The following CCDC170 variants were observed in gnomAD, a reference collection of about 807,000 sequenced individuals.
CCDC170 encodes the protein coiled-coil domain-containing protein 170.
CCDC170 carries 69 observed loss-of-function variants against 72.6 expected under a neutral mutation model. The observed-to-expected ratio is 0.95, with a 90% CI of 0.78 to 1.16. The LOEUF (loss-of-function observed/expected upper bound fraction) is 1.16. Ranked by LOEUF, CCDC170 falls within the 50% of genes most tolerant of loss-of-function variation. CCDC170 has a pLI of 0.00. For missense variants in CCDC170, 852 were observed against 832.5 expected (o/e 1.02, Z -0.29); for synonymous variants, 300 against 303.9 (o/e 0.99, Z 0.13).
At chr6:151,572,654 T>TTTTTTTTTG (rs1554223894) in intron 5 of CCDC170, among the ~76,000 whole-genome samples, 1,112 of 29,594 alleles carry the variant, frequency 0.038, 104 homozygotes, top group African/African-American at 0.096. Context: ...TCTGTGTTTT[T>TTTTTTTTTG]TTTTTTTTTT....
At chr6:151,600,874 C>T (rs1014894820) in intron 9 of CCDC170, among the ~76,000 whole-genome samples, 1 of 152,126 alleles carries the variant, frequency 6.6e-6, no homozygotes, top group Non-Finnish European at 1.5e-5. Flanking sequence ...CCCCAAAATC[C>T]CACACCCATC....
intron 5 of CCDC170, among the ~76,000 whole-genome samples, chr6:151,572,935 A>G (rs1392572700): frequency 1.3e-5 from 2 of 151,972 alleles, no homozygotes; most frequent in Non-Finnish European, 2.9e-5. Context: ...TACAGGTGTG[A>G]GCCACCACGC....
At chr6:151,594,066 A>G (rs2115116311) in intron 8 of CCDC170, among the ~76,000 whole-genome samples, 1 of 152,364 alleles carries the variant, frequency 6.6e-6, no homozygotes, top group Admixed American at 6.5e-5. Context: ...AGAGTTAGAA[A>G]CAGTTTATAC....
At chr6:151,612,210 A>G (rs1270102294) in intron 9 of CCDC170, among the ~76,000 whole-genome samples, 1 of 152,180 alleles carries the variant, frequency 6.6e-6, no homozygotes, top group Non-Finnish European at 1.5e-5. Flanking sequence ...GGATAGTGAG[A>G]GCCTTCAGAG....
chr6:151,593,106 G>C lies in CCDC170; in HGVS notation c.1294-1G>C, dbSNP rs1254980599. The C allele has an allele frequency of 6.2e-7, 1 of 1,614,098 alleles. No individual in the cohort carries two copies. Among genetic ancestry groups the C allele is most frequent in the Non-Finnish European group, 8.5e-7 (1 of 1,179,996 alleles). On this transcript the variant is annotated splice_acceptor_variant, in intron 7 of 10. Coordinates refer to ENST00000239374, the MANE Select transcript of CCDC170 (RefSeq NM_025059.4). LOFTEE classifies it high-confidence loss of function. ...ATTTTTGTTTCTGTTCTTGGGTTTA[G>C]TATCTTAAATTTCTGGATCAGCTTT...
At chr6:151,525,786 G>T (rs1466789687) in intron 1 of CCDC170, among the ~76,000 whole-genome samples, 3 of 152,212 alleles carry the variant, frequency 2.0e-5, no homozygotes, top group Non-Finnish European at 4.4e-5. Context: ...ACTAATTCAT[G>T]TATTGATGGA....
At chr6:151,573,850 C>T (rs1266760553) in intron 6 of CCDC170, among the ~76,000 whole-genome samples, 1 of 152,220 alleles carries the variant, frequency 6.6e-6, no homozygotes, top group Non-Finnish European at 1.5e-5. Flanking sequence ...CCACCAGGTC[C>T]CTCCCACGAC....
intron 6 of CCDC170, among the ~76,000 whole-genome samples, chr6:151,574,075 A>T (rs1276798939): frequency 3.9e-5 from 6 of 152,194 alleles, no homozygotes; most frequent in Non-Finnish European, 7.3e-5. Context: ...CCCTCTCTCT[A>T]CTGAAAATAA....
chr6:151,592,755 G>A (rs1258161297), intron 7 of CCDC170, among the ~76,000 whole-genome samples: 1 of 152,170 alleles, frequency 6.6e-6, no homozygotes, highest in Non-Finnish European at 1.5e-5. Flanking sequence ...GGCTAGATTA[G>A]CCTGAGAGGG....
Position 151,525,570 on chromosome 6 carries a change from T to C in CCDC170, c.58-10748T>C, listed in dbSNP as rs560236556. 1.1e-4 allele frequency among the ~76,000 whole-genome samples: 17 copies of C among 152,336 alleles called. No individual in the cohort carries two copies. The East Asian group carries it at 3.3e-3, about 29-fold the overall frequency. ...TCTCCCCACCCTTGAGAATGTACTT[T>C]GTAAGATCCACCCCCTGACCACAAA... On this transcript the variant is annotated intron_variant, in intron 1 of 10. Transcript: ENST00000239374.
intron 1 of CCDC170, among the ~76,000 whole-genome samples, chr6:151,498,235 T>A (rs904910865): frequency 1.6e-4 from 24 of 152,068 alleles, no homozygotes; most frequent in African/African-American, 5.3e-4. Context: ...TTAGAATAAC[T>A]ATCAACAGAA....
chr6:151,603,994 G>C (rs543817370), intron 9 of CCDC170, among the ~76,000 whole-genome samples: 59 of 152,322 alleles, frequency 3.9e-4, no homozygotes, highest in African/African-American at 1.4e-3. Context: ...AGAGCCATCA[G>C]CTATCAGCCT....
At chr6:151,584,284 A>T (rs1776419498) in intron 6 of CCDC170, among the ~76,000 whole-genome samples, 1 of 152,220 alleles carries the variant, frequency 6.6e-6, no homozygotes, top group African/African-American at 2.4e-5. Context: ...AGCTGTAATC[A>T]TTGTAAAGTT....
intron 1 of CCDC170, among the ~76,000 whole-genome samples, chr6:151,533,765 C>T (rs1782531450): frequency 6.6e-6 from 1 of 151,700 alleles, no homozygotes; most frequent in Non-Finnish European, 1.5e-5. Flanking sequence ...TTTTTGCCTT[C>T]CTTGCATTTA....
chr6:151,586,780 A>G (rs1776456685), intron 7 of CCDC170, among the ~76,000 whole-genome samples: 1 of 151,566 alleles, frequency 6.6e-6, no homozygotes, highest in South Asian at 2.1e-4. Context: ...TTTTATGTTT[A>G]TGTTTATTAT....
At chr6:151,509,240 A>G (rs1335307591) in intron 1 of CCDC170, among the ~76,000 whole-genome samples, 7 of 151,174 alleles carry the variant, frequency 4.6e-5, no homozygotes, top group Non-Finnish European at 1.5e-5. Flanking sequence ...CTATCTATCT[A>G]TCTATCTATC....
At chr6:151,614,380 T>C (rs973325863) in intron 9 of CCDC170, among the ~76,000 whole-genome samples, 2 of 152,238 alleles carry the variant, frequency 1.3e-5, no homozygotes, top group Non-Finnish European at 2.9e-5. Flanking sequence ...ATTAGTCCTT[T>C]TGTGTCTGGC....
intron 8 of CCDC170, among the ~76,000 whole-genome samples, chr6:151,596,019 C>T (rs188321592): frequency 1.4e-4 from 21 of 152,254 alleles, no homozygotes; most frequent in Non-Finnish European, 2.2e-4. Context: ...CTCTGATAAA[C>T]TCATCTGAGG....
rs537910521 is a variant in CCDC170, at chr6:151,537,867, T to C, written c.187-178T>C. On this transcript the variant is annotated intron_variant, in intron 2 of 10. Coordinates refer to ENST00000239374, the MANE Select transcript of CCDC170 (RefSeq NM_025059.4). ...TGGAAAAGATAGAATATAAAGTCCA[T>C]TATTTAGGCATAATTTCTCATTTGG... 9.3e-4 allele frequency among the ~76,000 whole-genome samples: 141 copies of C among 152,318 alleles called. 1 individual carries two copies. The highest frequency in any genetic ancestry group is 2.8e-4 in the Non-Finnish European group (19 of 68,028).
Sources: gnomAD v4.1 joint callset for allele counts (sites outside exome capture counted in the v4.1 genomes callset) on GRCh38, gnomAD v4.1.1 for gene constraint, MANE v1.5 for transcripts, NCBI Gene and HGNC (gene_info 2026-07-23, HGNC 2026-07-21) for gene names.